The following ADAM32 variants were observed in gnomAD, a reference collection of about 807,000 sequenced individuals.
The protein encoded by ADAM32 is ADAM metallopeptidase domain 32.
A neutral mutation model predicts 114.9 loss-of-function variants in ADAM32; 89 were observed. The observed-to-expected ratio is 0.77, with a 90% confidence interval of 0.65 to 0.92. ADAM32 has a LOEUF of 0.92. ADAM32 is among the 40% of genes least tolerant of loss of function. The pLI is 0.00. For synonymous variants in ADAM32, 285 were observed against 307.5 expected (o/e 0.93, Z 0.77); for missense variants, 870 against 932.8 (o/e 0.93, Z 0.88).
chr8:39,232,262 T>C (rs557363816), intron 15 of ADAM32, 127 bp downstream of exon 15: 2 of 638,792 alleles, frequency 3.1e-6, no homozygotes, highest in Admixed American at 7.4e-5. Flanking sequence ...GAACCTCAAA[T>C]CAAAATCCCC....
chr8:39,258,742 C>T (rs893990679), intron 19 of ADAM32, among the ~76,000 whole-genome samples: 3 of 151,738 alleles, frequency 2.0e-5, no homozygotes, highest in South Asian at 2.1e-4. Context: ...TTTTCCTGTC[C>T]GTTTGATACT....
intron 17 of ADAM32, among the ~76,000 whole-genome samples, chr8:39,249,097 G>A (rs1298423102): frequency 6.6e-6 from 1 of 151,770 alleles, no homozygotes; most frequent in Admixed American, 6.6e-5. Context: ...GTAGAGACGG[G>A]GTTTCATCGT....
At chr8:39,160,389 A>C (rs144988618) in intron 6 of ADAM32, among the ~76,000 whole-genome samples, 1 of 152,158 alleles carries the variant, frequency 6.6e-6, no homozygotes, top group East Asian at 1.9e-4. Flanking sequence ...AAATACAAAA[A>C]ATTAGCCCGG....
At chr8:39,162,416 G>A (rs1012527219) in intron 7 of ADAM32, among the ~76,000 whole-genome samples, 11 of 152,044 alleles carry the variant, frequency 7.2e-5, no homozygotes, top group Admixed American at 5.2e-4. Flanking sequence ...ATCATTGTTG[G>A]ACATTTGGGT....
At chr8:39,178,262 A>T (rs1050988154) in intron 10 of ADAM32, among the ~76,000 whole-genome samples, 2 of 152,068 alleles carry the variant, frequency 1.3e-5, no homozygotes, top group African/African-American at 4.8e-5. Context: ...TTTCAGAAAG[A>T]CAGTCTTCAA....
chr8:39,173,466 G>A (rs1185138231), intron 10 of ADAM32, among the ~76,000 whole-genome samples: 1 of 151,100 alleles, frequency 6.6e-6, no homozygotes, highest in African/African-American at 2.4e-5. Context: ...CCACATGAAT[G>A]TCTTCTTTTG....
In ADAM32 at chr8:39,246,301, A is replaced by C. The variant is rs903231590; in HGVS notation, c.1902+135A>C. On this transcript the variant is annotated intron_variant, in intron 17 of 24. Transcript: ENST00000379907. ...TCTAGCTTCAATTGAGAGCTGAATTAAGTCATTAAATTCAGCAGCCATAAT... is the reference window on the plus strand; with the variant it reads ...TCTAGCTTCAATTGAGAGCTGAATTCAGTCATTAAATTCAGCAGCCATAAT... 5 of 687,662 alleles carry C rather than the reference A, an allele frequency of 7.3e-6. No individual in the cohort carries two copies. In the Admixed American group the frequency reaches 1.2e-4, roughly 17 times the overall value. 42.6% of individuals were successfully genotyped at this position (687,662 alleles called of 1,614,324 possible). A position where few individuals can be genotyped will look rare whatever the true frequency, so the allele number is the denominator to read the frequency against.
intron 10 of ADAM32, 27 bp downstream of exon 10, chr8:39,170,024 T>A (rs1031517244): frequency 2.1e-6 from 3 of 1,458,088 alleles, no homozygotes; most frequent in African/African-American, 1.4e-5. Context: ...TCTTATTTTT[T>A]AAATTAACAC....
intron 2 of ADAM32, among the ~76,000 whole-genome samples, chr8:39,126,171 T>C (rs543878970): frequency 1.3e-5 from 2 of 152,322 alleles, no homozygotes; most frequent in South Asian, 2.1e-4. Flanking sequence ...TTTGGTTCCA[T>C]ATGAATCTTA....
chr8:39,174,238 G>GTT (rs1319298795), intron 10 of ADAM32, among the ~76,000 whole-genome samples: 1 of 152,178 alleles, frequency 6.6e-6, no homozygotes, highest in Non-Finnish European at 1.5e-5. Flanking sequence ...CCCATTGCTT[G>GTT]TTTGTGTCAG....
At chr8:39,281,205 T>C in intron 23 of ADAM32, 31 bp downstream of exon 23, 2 of 1,274,610 alleles carry the variant, frequency 1.6e-6, no homozygotes, top group Non-Finnish European at 2.1e-6. Flanking sequence ...TACTTATAAA[T>C]AAGTATGTTG....
intron 7 of ADAM32, among the ~76,000 whole-genome samples, chr8:39,164,505 A>G (rs758857892): frequency 2.8e-4 from 43 of 152,242 alleles, no homozygotes; most frequent in Admixed American, 3.3e-4. Flanking sequence ...TTGCTGGGCC[A>G]TATAGTAAAT....
chr8:39,162,383 G>A (rs1191908635), intron 7 of ADAM32, among the ~76,000 whole-genome samples: 3 of 151,944 alleles, frequency 2.0e-5, no homozygotes, highest in Non-Finnish European at 4.4e-5. Context: ...GTGTATATGT[G>A]CCACATATTC....
At chr8:39,221,348 C>T in intron 12 of ADAM32, 1 of 326,766 alleles carries the variant, frequency 3.1e-6, no homozygotes, top group Non-Finnish European at 5.6e-6. Flanking sequence ...CGCTTTTTAT[C>T]CATTCTGACA....
At chr8:39,280,578 G>C (rs1342419742) in intron 22 of ADAM32, among the ~76,000 whole-genome samples, 1 of 152,076 alleles carries the variant, frequency 6.6e-6, no homozygotes, top group Admixed American at 6.5e-5. Flanking sequence ...TGATACTCTT[G>C]ATTCTCTACT....
intron 22 of ADAM32, among the ~76,000 whole-genome samples, chr8:39,280,238 A>C (rs779622611): frequency 7.9e-5 from 12 of 152,176 alleles, no homozygotes; most frequent in Non-Finnish European, 1.8e-4. Context: ...GGTATAAGTA[A>C]TTCAGCTTTA....
intron 3 of ADAM32, among the ~76,000 whole-genome samples, chr8:39,140,150 A>G (rs1472276657): frequency 2.0e-5 from 3 of 152,166 alleles, no homozygotes; most frequent in Non-Finnish European, 1.5e-5. Flanking sequence ...TCATTTCCTA[A>G]TTGAATATCC....
At chr8:39,269,129 T>C (rs992998369) in intron 19 of ADAM32, among the ~76,000 whole-genome samples, 12 of 152,216 alleles carry the variant, frequency 7.9e-5, no homozygotes, top group Non-Finnish European at 1.5e-4. Flanking sequence ...TTTTCTTTTT[T>C]TCTGTGGTGT....
At chr8:39,126,850 C>T (rs1316005033) in intron 2 of ADAM32, among the ~76,000 whole-genome samples, 3 of 152,082 alleles carry the variant, frequency 2.0e-5, no homozygotes, top group African/African-American at 7.2e-5. Context: ...TCTTTCAATA[C>T]CTAGTTTACT....
Sources: gnomAD v4.1 joint callset for allele counts (sites outside exome capture counted in the v4.1 genomes callset) on GRCh38, gnomAD v4.1.1 for gene constraint, MANE v1.5 for transcripts, NCBI Gene and HGNC (gene_info 2026-07-23, HGNC 2026-07-21) for gene names.